The following BRCA2 variants were observed in gnomAD, a reference collection of about 807,000 sequenced individuals.
The protein encoded by BRCA2 is BRCA2 DNA repair associated.
BRCA2 carries 203 observed loss-of-function variants against 276.7 expected under a neutral mutation model. The ratio of observed to expected loss-of-function variants is 0.73; its 90% confidence interval spans 0.65 to 0.82. The LOEUF (loss-of-function observed/expected upper bound fraction) is 0.82, where lower values mean the gene tolerates loss of function less well. Ranked by LOEUF, BRCA2 falls within the 40% of genes least tolerant of loss-of-function variation. BRCA2 has a pLI of 0.00. For missense variants in BRCA2, 3,920 were observed against 3,915.0 expected (o/e 1.00, Z -0.03); for synonymous variants, 1,289 against 1,338.4 (o/e 0.96, Z 0.81).
chr13:32,398,028 CCTATT>C (rs1470017658), intron 26 of BRCA2, 129 bp from the exon 27 acceptor site: 2 of 850,508 alleles, frequency 2.4e-6, no homozygotes, highest in African/African-American at 3.4e-5. Flanking sequence ...AATCACCTAA[CCTATT>C]AGGAGTTAGG....
In BRCA2 at chr13:32,363,427, A is replaced by G. The variant is rs587782763; in HGVS notation, c.8225A>G (p.Asn2742Ser). 4 of 1,614,200 alleles carry G rather than the reference A, an allele frequency of 2.5e-6. No individual in the cohort carries two copies. Among genetic ancestry groups the G allele is most frequent in the Non-Finnish European group, 3.4e-6 (4 of 1,180,030 alleles). The change falls in exon 18 of 27, where the codon AAT (asparagine) becomes AGT (serine). Residue 2742 changes from asparagine (N) to serine (S), a missense_variant. Physicochemically the swap from Asn to Ser is conservative, Grantham distance 46. This residue lies in a region of BRCA2 where 3,263 missense variants were observed against 3,156.9 expected (regional missense o/e 1.03). Transcript: ENST00000380152. ...LDPPLLAVLK[N>S]GRLTVGQKII... ...CCTCCCCTCTTAGCTGTCTTAAAGAATGGCAGACTGACAGTTGGTCAGAAG... is the reference window on the plus strand; with the variant it reads ...CCTCCCCTCTTAGCTGTCTTAAAGAGTGGCAGACTGACAGTTGGTCAGAAG...
intron 4 of BRCA2, 58 bp downstream of exon 4, chr13:32,325,242 G>A: frequency 7.9e-7 from 1 of 1,270,108 alleles, no homozygotes; most frequent in Middle Eastern, 2.5e-4. Context: ...ACATATATTT[G>A]TTCTATAAAG....
intron 18 of BRCA2, among the ~76,000 whole-genome samples, chr13:32,365,916 CTA>C (rs1486565442): frequency 1.3e-5 from 2 of 151,368 alleles, no homozygotes; most frequent in Non-Finnish European, 2.9e-5. Context: ...ACTAGGCCTC[CTA>C]TATTGTTCCT....
At chr13:32,330,198 C>T (rs11571633) in intron 8 of BRCA2, among the ~76,000 whole-genome samples, 61 of 152,300 alleles carry the variant, frequency 4.0e-4, no homozygotes, top group Middle Eastern at 3.4e-3. Flanking sequence ...TCAATCAAAA[C>T]AACCTGTTCA....
At position 32,336,677 on chromosome 13, in the gene BRCA2, T is replaced by C. The variant is rs1131692124; in HGVS notation, c.2322T>C (p.Thr774=). ...ENASTLILTP[T]SKDVLSNLVM... is the part of the protein sequence containing the mutation. Reference sequence around the variant, plus strand: ...CCAGCACTCTTATTTTAACTCCTACTTCCAAGGATGTTCTGTCAAACCTAG... The same window carrying C: ...CCAGCACTCTTATTTTAACTCCTACCTCCAAGGATGTTCTGTCAAACCTAG... Residue 774 remains threonine, a synonymous_variant, in exon 11 of 27, where the codon ACT becomes ACC. Coordinates refer to ENST00000380152, the MANE Select transcript of BRCA2 (RefSeq NM_000059.4). 1 of 1,613,932 alleles carries C rather than the reference T, an allele frequency of 6.2e-7. No homozygotes were observed. Among genetic ancestry groups the C allele is most frequent in the Non-Finnish European group, 8.5e-7 (1 of 1,179,846 alleles).
intron 13 of BRCA2, among the ~76,000 whole-genome samples, chr13:32,349,847 A>G (rs934743335): frequency 1.3e-5 from 2 of 150,282 alleles, no homozygotes; most frequent in African/African-American, 4.9e-5. Flanking sequence ...CAGCAGCAAT[A>G]CTCATGAAGC....
chr13:32,349,067 CA>C (rs1392474234), intron 13 of BRCA2, among the ~76,000 whole-genome samples: 4 of 151,738 alleles, frequency 2.6e-5, no homozygotes, highest in Admixed American at 1.3e-4. Flanking sequence ...ACTGAAAATA[CA>C]AAAATTAGCC....
At position 32,336,715 on chromosome 13, in the gene BRCA2, G is replaced by C. The variant is rs2137485689; in HGVS notation, c.2360G>C (p.Arg787Thr). ...CTGTCAAACCTAGTCATGATTTCTA[G>C]AGGCAAAGAATCATACAAAATGTCA... ...DVLSNLVMIS[R>T]GKESYKMSDK... Residue 787 changes from arginine to threonine, a missense_variant, in exon 11 of 27, where the codon AGA becomes ACA. By Grantham distance (71) the Arg-to-Thr change is moderately conservative. Coordinates refer to ENST00000380152, the MANE Select transcript of BRCA2 (RefSeq NM_000059.4). The C allele has an allele frequency of 6.2e-7, 1 of 1,613,968 alleles. No homozygotes were observed. The highest frequency in any genetic ancestry group is 1.1e-5 in the South Asian group (1 of 91,076).
intron 18 of BRCA2, among the ~76,000 whole-genome samples, chr13:32,366,694 C>T (rs1294881358): frequency 2.0e-5 from 3 of 151,834 alleles, no homozygotes; most frequent in Admixed American, 2.0e-4. Flanking sequence ...TGATGGCATG[C>T]TCCTGTAGTC....
intron 4 of BRCA2, 107 bp downstream of exon 4, chr13:32,325,291 C>A: frequency 1.2e-6 from 1 of 813,624 alleles, no homozygotes; most frequent in Non-Finnish European, 2.0e-6. Context: ...GGCTAAGAGC[C>A]TGGTAGAAGA....
chr13:32,326,458 G>A (rs2137451660), intron 6 of BRCA2, 41 bp from the exon 7 acceptor site: 1 of 1,502,048 alleles, frequency 6.7e-7, no homozygotes, highest in Non-Finnish European at 9.3e-7. Context: ...TTAATGATCA[G>A]GGCATTTCTA....
intron 7 of BRCA2, among the ~76,000 whole-genome samples, chr13:32,327,996 A>G (rs762393143): frequency 1.3e-4 from 19 of 151,790 alleles, no homozygotes; most frequent in Non-Finnish European, 2.6e-4. Flanking sequence ...TGTTGCCCAC[A>G]CTTGTCTCAA....
chr13:32,331,678 G>T (rs1392336938), intron 9 of BRCA2, among the ~76,000 whole-genome samples: 1 of 151,264 alleles, frequency 6.6e-6, no homozygotes, highest in Non-Finnish European at 1.5e-5. Flanking sequence ...AAAATTTTCA[G>T]AGACAATAAG....
At chr13:32,380,231 C>T (rs2137626350) in intron 24 of BRCA2, 86 bp downstream of exon 24, 1 of 1,412,574 alleles carries the variant, frequency 7.1e-7, no homozygotes, top group Non-Finnish European at 9.5e-7. Context: ...TTGGAGCTAC[C>T]AGTTGGCAAA....
At chr13:32,321,700 G>A (rs2137439882) in intron 3 of BRCA2, among the ~76,000 whole-genome samples, 1 of 152,118 alleles carries the variant, frequency 6.6e-6, no homozygotes, top group East Asian at 1.9e-4. Context: ...TAAGAGTAAT[G>A]GACTTAAGCT....
At chr13:32,352,361 C>A (rs1283664232) in intron 13 of BRCA2, among the ~76,000 whole-genome samples, 2 of 151,908 alleles carry the variant, frequency 1.3e-5, no homozygotes, top group Admixed American at 6.6e-5. Context: ...GTTAAAGTAC[C>A]TGCTCAAACT....
rs80359094 is a variant in BRCA2, at chr13:32,370,522, G to A, written c.8452G>A (p.Val2818Ile). 3.7e-6 allele frequency: 6 copies of A among 1,613,740 alleles called. No individual in the cohort carries two copies. The highest frequency in any genetic ancestry group is 3.3e-4 in the Middle Eastern group (2 of 6,082). Residue 2818 changes from valine (V) to isoleucine (I), a missense_variant, in exon 19 of 27, where the codon GTT (valine) becomes ATT (isoleucine). This residue lies in a region of BRCA2 where 657 missense variants were observed against 758.2 expected (regional missense o/e 0.87). Coordinates refer to ENST00000380152, the MANE Select transcript of BRCA2 (RefSeq NM_000059.4). ...LFSDGGNVGCVDVIIQRAYPI... is the reference protein window; with the variant it reads ...LFSDGGNVGCIDVIIQRAYPI... ...CAGTGATGGAGGAAATGTTGGTTGTGTTGATGTAATTATTCAAAGAGCATA... is the reference window on the plus strand; with the variant it reads ...CAGTGATGGAGGAAATGTTGGTTGTATTGATGTAATTATTCAAAGAGCATA...
intron 12 of BRCA2, among the ~76,000 whole-genome samples, chr13:32,346,260 A>G (rs1451745015): frequency 6.6e-6 from 1 of 151,980 alleles, no homozygotes; most frequent in African/African-American, 2.4e-5. Context: ...TACTCAAAAG[A>G]TACAGTATAT....
At position 32,399,569 on chromosome 13, in the gene BRCA2, C is replaced by G. The variant is rs899056666; in HGVS notation, c.*799C>G. The G allele has an allele frequency of 2.8e-5, 5 of 179,868 alleles. No homozygotes were observed. Among genetic ancestry groups the G allele is most frequent in the Non-Finnish European group, 5.9e-5 (5 of 84,276 alleles). 11.1% of individuals were successfully genotyped at this position (179,868 alleles called of 1,614,324 possible). ...ATTACTTCAACTAAAAATTCAAATA[C>G]TTTAAATCAGAAGATTTCATAGTTA... is the stretch of plus-strand genomic sequence containing the variant. On this transcript the variant is annotated 3_prime_UTR_variant, in exon 27 of 27. Coordinates refer to ENST00000380152, the MANE Select transcript of BRCA2 (RefSeq NM_000059.4).
Sources: gnomAD v4.1 joint callset for allele counts (sites outside exome capture counted in the v4.1 genomes callset) on GRCh38, gnomAD v4.1.1 for gene constraint, gnomAD v4.1.1 regional missense constraint, MANE v1.5 for transcripts, NCBI Gene and HGNC (gene_info 2026-07-23, HGNC 2026-07-21) for gene names.